EMSY: variants seen among roughly 807,000 people sequenced by gnomAD.
The protein encoded by EMSY is EMSY transcriptional repressor, BRCA2 interacting.
Under a neutral mutation model 134.6 loss-of-function variants are expected in EMSY, and 26 were observed. That is an observed-to-expected ratio of 0.19 (90% confidence interval 0.14 to 0.27). The LOEUF (loss-of-function observed/expected upper bound fraction) is 0.27. EMSY is among the 10% of genes least tolerant of loss of function. The probability of loss-of-function intolerance (pLI) is 1.00; values close to 1 mark genes in which losing one functional copy is unlikely to be tolerated. For synonymous variants in EMSY, 579 were observed against 577.8 expected, an observed-to-expected ratio of 1.00 and a Z score of -0.03; for missense variants, 1,305 against 1,611.4, an observed-to-expected ratio of 0.81 and a Z score of 3.26.
At chr11:76,467,203 C>G (rs1326873561) in intron 7 of EMSY, among the ~76,000 whole-genome samples, 1 of 152,198 alleles carries the variant, frequency 6.6e-6, no homozygotes, top group East Asian at 1.9e-4. Flanking sequence ...GCTTTCTAAG[C>G]TGGCCCTATA....
At chr11:76,525,020 C>T (rs890581114) in intron 12 of EMSY, among the ~76,000 whole-genome samples, 27 of 152,252 alleles carry the variant, frequency 1.8e-4, no homozygotes, top group African/African-American at 5.5e-4. Flanking sequence ...CTGCCACTGC[C>T]ACCCCCGCCA....
chr11:76,491,754 G>T (rs78281794), intron 8 of EMSY, among the ~76,000 whole-genome samples: 2,362 of 152,318 alleles, frequency 0.016, 43 homozygotes, highest in East Asian at 0.07. Context: ...ACTCTTCTCA[G>T]TGTAGATGCT....
intron 12 of EMSY, among the ~76,000 whole-genome samples, chr11:76,525,970 C>A (rs1310662903): frequency 6.6e-6 from 1 of 151,962 alleles, no homozygotes; most frequent in East Asian, 1.9e-4. Flanking sequence ...ATATGTAGAA[C>A]TTAGGGGATG....
intron 9 of EMSY, among the ~76,000 whole-genome samples, chr11:76,506,931 A>G (rs1016705840): frequency 6.6e-6 from 1 of 152,208 alleles, no homozygotes; most frequent in African/African-American, 2.4e-5. Flanking sequence ...GAAAGACTGG[A>G]AACAACCTTA....
At chr11:76,544,486 C>T (rs1377288795) in exon 19 of EMSY, 3 of 1,614,082 alleles carry the variant, frequency 1.9e-6, no homozygotes, top group Non-Finnish European at 2.5e-6. Context: ...AGAAGCAGAC[C>T]ATCCACCTGC....
intron 7 of EMSY, among the ~76,000 whole-genome samples, chr11:76,465,602 T>TA (rs58807004): frequency 6.4e-4 from 91 of 143,146 alleles, no homozygotes; most frequent in East Asian, 4.2e-3. Context: ...AAAGTTCCTT[T>TA]AAAAAAAAAA....
intron 8 of EMSY, among the ~76,000 whole-genome samples, chr11:76,480,281 G>A (rs1948919985): frequency 6.6e-6 from 1 of 152,142 alleles, no homozygotes; most frequent in African/African-American, 2.4e-5. Context: ...TGCTGTGATG[G>A]GCAAAAGCTT....
chr11:76,447,904 T>G (rs1336651986), intron 2 of EMSY, among the ~76,000 whole-genome samples: 2 of 152,184 alleles, frequency 1.3e-5, no homozygotes, highest in Non-Finnish European at 2.9e-5. Context: ...AAAAAGAAGA[T>G]TAAATGTTTT....
At chr11:76,478,260 A>C (rs913041524) in intron 8 of EMSY, among the ~76,000 whole-genome samples, 20 of 152,180 alleles carry the variant, frequency 1.3e-4, no homozygotes, top group African/African-American at 4.8e-4. Context: ...TAGAGAACAA[A>C]GCGCTACCAG....
intron 7 of EMSY, among the ~76,000 whole-genome samples, chr11:76,465,216 A>G (rs184397460): frequency 4.2e-4 from 64 of 152,224 alleles, no homozygotes; most frequent in African/African-American, 1.5e-3. Flanking sequence ...TGATCCATTT[A>G]TCTTTCTCAT....
rs565576311 is a variant in EMSY, at chr11:76,526,698, G to A, written c.1995+63G>A. On this transcript the variant is annotated intron_variant, in intron 13 of 20. Coordinates refer to ENST00000334736, the Ensembl canonical transcript of EMSY. Reference sequence around the variant, plus strand: ...AATATTTTCAATTCTTATAATTCCCGGGTAGAAATTTGAAGGAAAAGATCA... The same window carrying A: ...AATATTTTCAATTCTTATAATTCCCAGGTAGAAATTTGAAGGAAAAGATCA... The A allele has an allele frequency of 4.8e-5, 69 of 1,427,484 alleles. 1 individual carries two copies. The highest frequency in any genetic ancestry group is 4.8e-4 in the South Asian group (34 of 71,288). 88.4% of individuals were successfully genotyped at this position (1,427,484 alleles called of 1,614,324 possible). A position where few individuals can be genotyped will look rare whatever the true frequency, so the allele number is the denominator to read the frequency against.
At chr11:76,485,797 TTGG>T (rs1488287366) in intron 8 of EMSY, among the ~76,000 whole-genome samples, 4 of 152,286 alleles carry the variant, frequency 2.6e-5, no homozygotes, top group Admixed American at 2.0e-4. Context: ...TTTTACACTG[TTGG>T]TGGGAGTATA....
intron 7 of EMSY, among the ~76,000 whole-genome samples, chr11:76,466,003 T>C (rs529850619): frequency 6.6e-6 from 1 of 152,238 alleles, no homozygotes; most frequent in Non-Finnish European, 1.5e-5. Flanking sequence ...ATAAGCCTGG[T>C]TGGCAGTGTT....
At chr11:76,538,675 T>C (rs1951317247) in intron 16 of EMSY, among the ~76,000 whole-genome samples, 1 of 152,122 alleles carries the variant, frequency 6.6e-6, no homozygotes, top group African/African-American at 2.4e-5. Flanking sequence ...TAGAAAACCT[T>C]AGCCAGATGC....
At chr11:76,489,858 G>GC (rs1481177050) in intron 8 of EMSY, among the ~76,000 whole-genome samples, 1 of 151,994 alleles carries the variant, frequency 6.6e-6, no homozygotes, top group African/African-American at 2.4e-5. Flanking sequence ...ATCCACCTCG[G>GC]CCTCCCAAAG....
chr11:76,503,300 C>CAAAAAAA (rs61098325), intron 9 of EMSY, among the ~76,000 whole-genome samples: 36 of 70,574 alleles, frequency 5.1e-4, no homozygotes, highest in East Asian at 1.3e-3. Flanking sequence ...GGCGTGGTCT[C>CAAAAAAA]AAAAAAAAAA....
intron 7 of EMSY, among the ~76,000 whole-genome samples, chr11:76,471,746 C>T (rs1163106530): frequency 2.0e-5 from 3 of 152,184 alleles, no homozygotes; most frequent in African/African-American, 7.2e-5. Context: ...TATATACTGT[C>T]AACATGCTCT....
In EMSY at chr11:76,456,234, A is replaced by C. The variant is rs1203284785; in HGVS notation, c.246-1949A>C. ...ATTACTAAGCAAATAGGAATTTCTG[A>C]TCTAATTCTAACATGATACTTAATT... On this transcript the variant is annotated intron_variant, in intron 4 of 20. Coordinates refer to ENST00000334736, the Ensembl canonical transcript of EMSY. Among the ~76,000 whole-genome samples, 8 of 152,302 alleles carry C rather than the reference A, an allele frequency of 5.3e-5. No individual in the cohort carries two copies. The East Asian group carries it at 1.3e-3, about 26-fold the overall frequency.
At chr11:76,543,039 C>T (rs1196771414) in intron 18 of EMSY, among the ~76,000 whole-genome samples, 1 of 152,124 alleles carries the variant, frequency 6.6e-6, no homozygotes, top group African/African-American at 2.4e-5. Context: ...TGTGTTATCC[C>T]TCTTTTACAA....
Sources: gnomAD v4.1 joint callset for allele counts (sites outside exome capture counted in the v4.1 genomes callset) on GRCh38, gnomAD v4.1.1 for gene constraint, MANE v1.5 for transcripts, NCBI Gene and HGNC (gene_info 2026-07-23, HGNC 2026-07-21) for gene names.